The following ITSN1 variants were observed in gnomAD, a reference collection of about 807,000 sequenced individuals.
The protein encoded by ITSN1 is intersectin-1.
In ITSN1, 58 loss-of-function variants were observed where a neutral mutation model predicts 239.8. The ratio of observed to expected loss-of-function variants is 0.24; its 90% CI spans 0.20 to 0.30. The LOEUF is 0.30. Ranked by LOEUF, ITSN1 falls within the 10% of genes least tolerant of loss-of-function variation. The pLI is 1.00. For synonymous variants in ITSN1, 780 were observed against 770.8 expected, an observed-to-expected ratio of 1.01 and a Z score of -0.20; for missense variants, 1,558 against 2,103.3, an observed-to-expected ratio of 0.74 and a Z score of 5.07.
chr21:33,655,384 G>A (rs2070392), intron 1 of ITSN1, among the ~76,000 whole-genome samples: 12,182 of 152,028 alleles, frequency 0.08, 739 homozygotes, highest in East Asian at 0.25. Context: ...TAGGGGGTGA[G>A]TCTGAATTCT....
chr21:33,701,070 C>G (rs2091990127), intron 1 of ITSN1, among the ~76,000 whole-genome samples: 1 of 151,564 alleles, frequency 6.6e-6, no homozygotes, highest in Non-Finnish European at 1.5e-5. Flanking sequence ...TGCCACCAAT[C>G]CATGTTGCTG....
chr21:33,653,797 C>G (rs757689222), intron 1 of ITSN1, among the ~76,000 whole-genome samples: 1 of 152,202 alleles, frequency 6.6e-6, no homozygotes. Context: ...TCTGGAATTA[C>G]AGGCGTGAGC....
chr21:33,812,325 A>G (rs978397906), intron 21 of ITSN1, among the ~76,000 whole-genome samples: 3 of 152,190 alleles, frequency 2.0e-5, no homozygotes, highest in African/African-American at 4.8e-5. Context: ...CTCTTCTTCA[A>G]TATATGTATG....
intron 5 of ITSN1, 147 bp from the exon 6 acceptor site, chr21:33,749,996 C>T (rs2067440053): frequency 1.3e-6 from 1 of 753,632 alleles, no homozygotes; most frequent in South Asian, 1.7e-5. Context: ...TTTTGTTACT[C>T]TTTAAAATGA....
intron 1 of ITSN1, among the ~76,000 whole-genome samples, chr21:33,703,847 C>T (rs1207160129): frequency 6.6e-6 from 1 of 152,126 alleles, no homozygotes; most frequent in Non-Finnish European, 1.5e-5. Context: ...GCCTATTTGC[C>T]TACTTGGTGC....
intron 10 of ITSN1, among the ~76,000 whole-genome samples, chr21:33,766,550 C>G (rs2068733983): frequency 1.3e-5 from 2 of 152,198 alleles, no homozygotes. Context: ...TCCAGGACAG[C>G]TCTGTCTCCT....
intron 16 of ITSN1, among the ~76,000 whole-genome samples, chr21:33,783,705 A>C (rs1299967752): frequency 2.0e-5 from 3 of 152,078 alleles, no homozygotes; most frequent in Non-Finnish European, 4.4e-5. Context: ...AAAAAAAAAA[A>C]AATAGCACTG....
intron 1 of ITSN1, among the ~76,000 whole-genome samples, chr21:33,652,656 T>TA (rs2088647840): frequency 6.6e-6 from 1 of 152,164 alleles, no homozygotes; most frequent in Non-Finnish European, 1.5e-5. Context: ...CCTGTTCTCT[T>TA]ACCAGGACTG....
rs1414381948 is a variant in ITSN1 at position 33,667,501 on chromosome 21, CT to C, written c.-33+24790del. Among the ~76,000 whole-genome samples the C allele has an allele frequency of 9.9e-5, 15 of 152,262 alleles. No homozygotes were observed. In the East Asian group the frequency reaches 2.9e-3, roughly 29 times the overall value. On this transcript the variant is annotated intron_variant, in intron 1 of 39. Transcript: ENST00000381318. ...TGCTTAGCTTTTATCATCTTTACTGCTTCAGAGGTTACTAGATTTGGAACCA... is the reference window on the plus strand; with the variant it reads ...TGCTTAGCTTTTATCATCTTTACTGCTCAGAGGTTACTAGATTTGGAACCA...
rs56279221 is a variant in ITSN1 at position 33,867,258 on chromosome 21, A to G, written c.4100A>G (p.Lys1367Arg). 0.071 allele frequency: 114,244 copies of G among 1,607,004 alleles called. 4,701 individuals carry two copies. Among genetic ancestry groups the G allele is most frequent in the Non-Finnish European group, 0.073 (86,151 of 1,173,598 alleles). ...AGATTGGCAATGGATCCTCGGTGTA[A>G]AGGGATGCCACTCTCTAGTTTTATA... ...VKRLAMDPRCKGMPLSSFILK... is the reference protein window; with the variant it reads ...VKRLAMDPRCRGMPLSSFILK... The change falls in exon 33 of 40, where the codon AAA (lysine) becomes AGA (arginine). Residue 1367 changes from lysine (K) to arginine (R), a missense_variant. By Grantham distance (26) the Lys-to-Arg change is conservative. This residue lies in a region of ITSN1 where 576 missense variants were observed against 893.3 expected (regional missense o/e 0.64). Transcript: ENST00000381318.
chr21:33,687,375 G>T (rs2091296444), intron 1 of ITSN1, among the ~76,000 whole-genome samples: 1 of 133,608 alleles, frequency 7.5e-6, no homozygotes, highest in African/African-American at 2.9e-5. Flanking sequence ...TTCAGCCTGG[G>T]CAACAAGAGC....
intron 8 of ITSN1, 47 bp downstream of exon 8, chr21:33,755,444 T>A: frequency 9.5e-7 from 1 of 1,051,752 alleles, no homozygotes; most frequent in Non-Finnish European, 1.4e-6. Context: ...GTTTTCAATG[T>A]AAACTGTTTC....
intron 1 of ITSN1, among the ~76,000 whole-genome samples, chr21:33,645,710 T>G (rs974101868): frequency 6.6e-6 from 1 of 152,142 alleles, no homozygotes; most frequent in Non-Finnish European, 1.5e-5. Context: ...GTCACCTCGC[T>G]TCAGAATCAG....
At chr21:33,760,147 C>T (rs1439699641) in intron 8 of ITSN1, among the ~76,000 whole-genome samples, 1 of 151,358 alleles carries the variant, frequency 6.6e-6, no homozygotes, top group African/African-American at 2.4e-5. Context: ...GTAGAATGGA[C>T]AATGAATTAG....
At chr21:33,771,132 A>T (rs914949607) in intron 11 of ITSN1, among the ~76,000 whole-genome samples, 1 of 152,226 alleles carries the variant, frequency 6.6e-6, no homozygotes, top group Non-Finnish European at 1.5e-5. Flanking sequence ...AAAGGTGAGC[A>T]AGAAAACCAA....
intron 1 of ITSN1, among the ~76,000 whole-genome samples, chr21:33,679,775 G>A (rs934134622): frequency 2.3e-5 from 3 of 128,640 alleles, no homozygotes; most frequent in Non-Finnish European, 4.6e-5. Context: ...AGAGCTCACT[G>A]CAAGCTCCGC....
chr21:33,679,013 AATG>A (rs1407989155), intron 1 of ITSN1, among the ~76,000 whole-genome samples: 2 of 152,224 alleles, frequency 1.3e-5, no homozygotes, highest in African/African-American at 4.8e-5. Context: ...AAAATAGCAT[AATG>A]ATTTTTCACA....
chr21:33,873,621 C>T (rs757983931), intron 33 of ITSN1, among the ~76,000 whole-genome samples: 13 of 151,986 alleles, frequency 8.6e-5, no homozygotes, highest in East Asian at 1.9e-4. Flanking sequence ...CTGTAATCCC[C>T]GCACTTTGGG....
In ITSN1 at chr21:33,868,056, G is replaced by A. The variant is rs1260628749; in HGVS notation, c.4173+725G>A. On this transcript the variant is annotated intron_variant, in intron 33 of 39. Coordinates refer to ENST00000381318, the MANE Select transcript of ITSN1 (RefSeq NM_003024.3). ...TGAAAGAACAAAGCTTCCACGGTGT[G>A]GAAAGGGACCGAGCCGGTTGCCACT... Among the ~76,000 whole-genome samples, 4 of 152,336 alleles carry A rather than the reference G, an allele frequency of 2.6e-5. No homozygotes were observed. The East Asian group carries it at 7.7e-4, about 29-fold the overall frequency.
Sources: gnomAD v4.1 joint callset for allele counts (sites outside exome capture counted in the v4.1 genomes callset) on GRCh38, gnomAD v4.1.1 for gene constraint, gnomAD v4.1.1 regional missense constraint, MANE v1.5 for transcripts, NCBI Gene and HGNC (gene_info 2026-07-23, HGNC 2026-07-21) for gene names.